TAF4B: variants seen among roughly 807,000 people sequenced by gnomAD.
TAF4B encodes TATA-box binding protein associated factor 4b, also known as transcription initiation factor TFIID subunit 4B.
Under a neutral mutation model 86.4 loss-of-function variants are expected in TAF4B, and 38 were observed. The ratio of observed to expected loss-of-function variants is 0.44; its 90% CI spans 0.34 to 0.58. TAF4B has a LOEUF of 0.58. Among genes scored for constraint, TAF4B ranks in the 20% least tolerant of loss-of-function variants. TAF4B has a pLI of 0.02. For synonymous variants in TAF4B, 388 were observed against 391.2 expected (o/e 0.99, Z 0.10); for missense variants, 988 against 1,027.6 (o/e 0.96, Z 0.53).
chr18:26,287,408 T>C (rs971367053), intron 7 of TAF4B, among the ~76,000 whole-genome samples: 1 of 152,192 alleles, frequency 6.6e-6, no homozygotes, highest in Non-Finnish European at 1.5e-5. Context: ...TTTGTCTGAT[T>C]GTTGTGTTTT....
At chr18:26,389,312 C>G (rs751085767) in intron 14 of TAF4B, among the ~76,000 whole-genome samples, 4 of 152,194 alleles carry the variant, frequency 2.6e-5, no homozygotes, top group Admixed American at 6.5e-5. Flanking sequence ...AGAACCTGCT[C>G]TGAGCAATGG....
chr18:26,239,838 A>G (rs1250248100), intron 1 of TAF4B, among the ~76,000 whole-genome samples: 5 of 152,230 alleles, frequency 3.3e-5, no homozygotes, highest in African/African-American at 1.2e-4. Flanking sequence ...CATTTATTAA[A>G]TAGGGACTCC....
chr18:26,350,412 C>G (rs1348671366), intron 13 of TAF4B, among the ~76,000 whole-genome samples: 1 of 152,166 alleles, frequency 6.6e-6, no homozygotes, highest in Non-Finnish European at 1.5e-5. Context: ...TGGCTTATGC[C>G]TATACTCTCA....
At chr18:26,313,215 A>G (rs979207402) in intron 9 of TAF4B, among the ~76,000 whole-genome samples, 4 of 152,218 alleles carry the variant, frequency 2.6e-5, no homozygotes, top group Non-Finnish European at 4.4e-5. Context: ...AGTCCCAGAG[A>G]TGTTAAATAA....
intron 1 of TAF4B, among the ~76,000 whole-genome samples, chr18:26,248,885 G>C (rs1162110335): frequency 6.8e-6 from 1 of 147,398 alleles, no homozygotes; most frequent in Non-Finnish European, 1.5e-5. Context: ...TAAAAAAGGG[G>C]AACCTAGGCT....
In TAF4B at chr18:26,346,801, GTATATATATA is replaced by G. The variant is rs368950266; in HGVS notation, c.2317-10883_2317-10874del. ...TGTGTGTATATATATATATATATGT[GTATATATATA>G]TATATGTGTGTGTATATATATATAT... On this transcript the variant is annotated intron_variant, in intron 13 of 14. Coordinates refer to ENST00000269142, the MANE Select transcript of TAF4B (RefSeq NM_005640.3). 6.0e-4 allele frequency among the ~76,000 whole-genome samples: 11 copies of G among 18,248 alleles called. 1 individual carries two copies. Among genetic ancestry groups the G allele is most frequent in the Admixed American group, 2.5e-3 (4 of 1,574 alleles). The allele number at this position is 18,248 out of a possible 152,430, so 12.0% of individuals were successfully genotyped here.
chr18:26,325,385 G>A (rs549515684), intron 11 of TAF4B, among the ~76,000 whole-genome samples: 3 of 152,300 alleles, frequency 2.0e-5, no homozygotes, highest in East Asian at 3.8e-4. Context: ...TACTCTGTTG[G>A]TGCATGAAAT....
intron 11 of TAF4B, among the ~76,000 whole-genome samples, chr18:26,321,646 A>G (rs2056964170): frequency 1.3e-5 from 2 of 151,834 alleles, no homozygotes; most frequent in African/African-American, 4.8e-5. Flanking sequence ...CGTGTTAAAG[A>G]TACACATGTA....
At chr18:26,321,474 A>C (rs2056962215) in intron 11 of TAF4B, among the ~76,000 whole-genome samples, 1 of 151,768 alleles carries the variant, frequency 6.6e-6, no homozygotes, top group Non-Finnish European at 1.5e-5. Flanking sequence ...ATGGGGAAGG[A>C]AAGATATGTT....
At chr18:26,249,462 ACT>A (rs893909478) in intron 1 of TAF4B, among the ~76,000 whole-genome samples, 13 of 150,432 alleles carry the variant, frequency 8.6e-5, no homozygotes, top group Admixed American at 5.3e-4. Context: ...ACAGAGCAAA[ACT>A]CTCTCTCTCT....
At chr18:26,338,775 G>A (rs1274818094) in intron 13 of TAF4B, among the ~76,000 whole-genome samples, 1 of 152,136 alleles carries the variant, frequency 6.6e-6, no homozygotes, top group Admixed American at 6.5e-5. Flanking sequence ...ACTACGCCTG[G>A]ATCATTTCTC....
intron 13 of TAF4B, among the ~76,000 whole-genome samples, chr18:26,341,218 C>G (rs2057132371): frequency 6.6e-6 from 1 of 152,046 alleles, no homozygotes; most frequent in African/African-American, 2.4e-5. Flanking sequence ...TTTAAATGAA[C>G]TTAACGATTC....
At chr18:26,242,041 C>T (rs1214901381) in intron 1 of TAF4B, among the ~76,000 whole-genome samples, 1 of 152,134 alleles carries the variant, frequency 6.6e-6, no homozygotes, top group Non-Finnish European at 1.5e-5. Flanking sequence ...CTACGTGGTG[C>T]TGAGAAGAAT....
intron 9 of TAF4B, among the ~76,000 whole-genome samples, chr18:26,305,961 T>G (rs1455889817): frequency 6.6e-6 from 1 of 152,104 alleles, no homozygotes; most frequent in Non-Finnish European, 1.5e-5. Flanking sequence ...GAAACCATGG[T>G]TATATTTGTT....
chr18:26,311,354 G>A (rs901964679), intron 9 of TAF4B, among the ~76,000 whole-genome samples: 4 of 152,178 alleles, frequency 2.6e-5, no homozygotes, highest in African/African-American at 4.8e-5. Flanking sequence ...AAGCAAAGGG[G>A]CTGGGCGTGG....
intron 1 of TAF4B, among the ~76,000 whole-genome samples, chr18:26,258,533 A>G (rs1173955838): frequency 6.6e-6 from 1 of 152,198 alleles, no homozygotes; most frequent in Non-Finnish European, 1.5e-5. Flanking sequence ...AAGAAGAAGT[A>G]ATAATACATT....
intron 9 of TAF4B, among the ~76,000 whole-genome samples, chr18:26,293,886 T>A (rs2056628146): frequency 1.3e-5 from 2 of 152,148 alleles, no homozygotes; most frequent in Non-Finnish European, 2.9e-5. Flanking sequence ...TTCACATAAA[T>A]GGAGTTTTAC....
At chr18:26,254,627 C>G (rs186482736) in intron 1 of TAF4B, among the ~76,000 whole-genome samples, 252 of 152,296 alleles carry the variant, frequency 1.7e-3, no homozygotes, top group Non-Finnish European at 2.5e-3. Context: ...AAGACTTGCA[C>G]ATTTTTTCAG....
At chr18:26,242,074 G>A (rs934884947) in intron 1 of TAF4B, among the ~76,000 whole-genome samples, 3 of 152,208 alleles carry the variant, frequency 2.0e-5, no homozygotes, top group Admixed American at 6.5e-5. Flanking sequence ...GATTTGGGGT[G>A]GAGAGTTCTG....
Sources: allele counts gnomAD v4.1 joint callset (sites outside exome capture counted in the v4.1 genomes callset), GRCh38; gene constraint gnomAD v4.1.1; transcripts MANE v1.5; gene names NCBI Gene and HGNC (gene_info 2026-07-23, HGNC 2026-07-21).